Variants in ATP11A observed in about 807,000 individuals in gnomAD.
ATP11A encodes the protein ATPase phospholipid transporting 11A.
In ATP11A, 81 loss-of-function variants were observed where a neutral mutation model predicts 154.4. That is an observed-to-expected ratio of 0.52 (90% CI 0.44 to 0.63). The LOEUF is 0.63. ATP11A is among the 30% of genes least tolerant of loss of function. The pLI, the probability that ATP11A is intolerant of heterozygous loss-of-function variation, is 0.00. For synonymous variants in ATP11A, 623 were observed against 585.9 expected (o/e 1.06, Z -0.91); for missense variants, 1,316 against 1,474.3 (o/e 0.89, Z 1.76).
chr13:112,773,444 G>A (rs767024564), intron 1 of ATP11A, among the ~76,000 whole-genome samples: 1 of 152,172 alleles, frequency 6.6e-6, no homozygotes, highest in Non-Finnish European at 1.5e-5. Context: ...TTGCTTTCCC[G>A]AGCTGTACGG....
At chr13:112,714,754 A>G (rs1037617440) in intron 1 of ATP11A, among the ~76,000 whole-genome samples, 1 of 152,194 alleles carries the variant, frequency 6.6e-6, no homozygotes, top group African/African-American at 2.4e-5. Flanking sequence ...CAGTGAGGCC[A>G]CTGTGGATCA....
intron 8 of ATP11A, among the ~76,000 whole-genome samples, chr13:112,820,688 G>A (rs1230385155): frequency 6.6e-6 from 1 of 152,210 alleles, no homozygotes; most frequent in Admixed American, 6.5e-5. Flanking sequence ...TGTTGCTGAC[G>A]AGATATTTGA....
In ATP11A at chr13:112,859,368, C is replaced by G. The variant is rs10492684; in HGVS notation, c.2668-25C>G. ...TGCCTCCCTCTGTCCCGTCACCGAA[C>G]TAACAGTTATGCCTTGCCTTTCAGA... On this transcript the variant is annotated intron_variant, in intron 22 of 29. Transcript: ENST00000375645. The surrounding 1 kb of genome is among the most constrained non-coding windows in gnomAD (Gnocchi z 4.3). 368,462 of 1,609,452 alleles carry G rather than the reference C, an allele frequency of 0.23. 45,129 individuals carry two copies. Among genetic ancestry groups the G allele is most frequent in the Middle Eastern group, 0.28 (1,713 of 6,060 alleles).
chr13:112,803,875 C>CCTCCTT (rs2078220613), intron 2 of ATP11A, among the ~76,000 whole-genome samples: 1 of 111,396 alleles, frequency 9.0e-6, no homozygotes, highest in Non-Finnish European at 1.9e-5. Flanking sequence ...CCTTGCTTCC[C>CCTCCTT]TTCCTTCCCT....
intron 1 of ATP11A, among the ~76,000 whole-genome samples, chr13:112,704,509 C>T (rs553355744): frequency 8.5e-5 from 13 of 152,320 alleles, no homozygotes; most frequent in Admixed American, 3.3e-4. Flanking sequence ...CTGTGGGAGG[C>T]GAGGCTCTGA....
intron 25 of ATP11A, among the ~76,000 whole-genome samples, chr13:112,864,852 A>G (rs373305707): frequency 0.013 from 404 of 31,066 alleles, no homozygotes; most frequent in Middle Eastern, 0.028. Context: ...TCCCAGCGGG[A>G]TCCATCACCA....
intron 1 of ATP11A, among the ~76,000 whole-genome samples, chr13:112,783,495 C>T (rs986164906): frequency 3.3e-5 from 5 of 152,362 alleles, no homozygotes; most frequent in East Asian, 1.9e-4. Flanking sequence ...AAACTGTCCC[C>T]GTGCCTGCGG....
chr13:112,690,585 C>A lies in ATP11A; in HGVS notation c.39+130C>A. On this transcript the variant is annotated intron_variant, in intron 1 of 29. Coordinates refer to ENST00000375645, the MANE Select transcript of ATP11A (RefSeq NM_015205.3). The surrounding 1 kb of genome is among the most constrained non-coding windows in gnomAD (Gnocchi z 5.6). ...TCTCCGATGTCTGGGACTCGGACCG[C>A]CCCCGGGGACGAGCGGGATGCTGGG... 1.2e-6 allele frequency: 1 copy of A among 859,922 alleles called. No individual in the cohort carries two copies. The highest frequency in any genetic ancestry group is 1.5e-6 in the Non-Finnish European group (1 of 653,518). The allele number at this position is 859,922 out of a possible 1,614,324, so 53.3% of individuals were successfully genotyped here.
At chr13:112,874,170 G>A (rs916902299) in intron 27 of ATP11A, among the ~76,000 whole-genome samples, 7 of 152,220 alleles carry the variant, frequency 4.6e-5, no homozygotes, top group African/African-American at 1.7e-4. Flanking sequence ...GACCTTGCCC[G>A]CAGCAGCCTG....
At chr13:112,778,892 T>G (rs1296910383) in intron 1 of ATP11A, among the ~76,000 whole-genome samples, 1 of 81,352 alleles carries the variant, frequency 1.2e-5, no homozygotes. Context: ...GCCGCTGGAG[T>G]GAGGAGTAGC....
chr13:112,887,135 C>T lies in ATP11A; in HGVS notation c.*5269C>T, dbSNP rs1372775242. On this transcript the variant is annotated 3_prime_UTR_variant, in exon 30 of 30. Transcript: ENST00000375645. ...TCTGCTTGCAATAAAGAATAAAAGT[C>T]TGCTTCAGTTTCTTTATAAAGAAAC... 1 of 152,228 alleles carries T rather than the reference C, an allele frequency of 6.6e-6. No homozygotes were observed. Among genetic ancestry groups the T allele is most frequent in the Non-Finnish European group, 1.5e-5 (1 of 68,036 alleles). 9.4% of individuals were successfully genotyped at this position (152,228 alleles called of 1,614,324 possible). A position where few individuals can be genotyped will look rare whatever the true frequency, so the allele number is the denominator to read the frequency against.
At chr13:112,805,193 G>T in intron 3 of ATP11A, 147 bp downstream of exon 3, 1 of 515,236 alleles carries the variant, frequency 1.9e-6, no homozygotes, top group Non-Finnish European at 3.2e-6. Context: ...CTTAAGGAAG[G>T]GCAAAATGTC....
At chr13:112,835,917 TGGGTA>T (rs1289016461) in intron 15 of ATP11A, among the ~76,000 whole-genome samples, 2 of 152,224 alleles carry the variant, frequency 1.3e-5, no homozygotes, top group African/African-American at 4.8e-5. Context: ...GCCTATGCCC[TGGGTA>T]GGATGGGGAC....
intron 2 of ATP11A, among the ~76,000 whole-genome samples, chr13:112,802,552 CAAA>C (rs35889771): frequency 7.5e-4 from 61 of 80,922 alleles, no homozygotes; most frequent in South Asian, 3.6e-3. Flanking sequence ...ACTGGACATG[CAAA>C]AAAAAAAAAA....
At position 112,735,866 on chromosome 13, in the gene ATP11A, C is replaced by G. The variant is rs368690140; in HGVS notation, c.39+45411C>G. ...GGGCTCAGCACTAAGGAGCACCTGA[C>G]TTTTCCGAGGTGCATCCATAAGTCC... On this transcript the variant is annotated intron_variant, in intron 1 of 29. Transcript: ENST00000375645. 4.8e-4 allele frequency among the ~76,000 whole-genome samples: 73 copies of G among 152,348 alleles called. No homozygotes were observed. The East Asian group carries it at 0.013, about 27-fold the overall frequency.
intron 1 of ATP11A, among the ~76,000 whole-genome samples, chr13:112,732,087 C>T (rs554374167): frequency 6.6e-6 from 1 of 152,128 alleles, no homozygotes; most frequent in Admixed American, 6.5e-5. Flanking sequence ...GGCATGAGTT[C>T]GGTCCTGTCG....
chr13:112,805,028 T>C lies in ATP11A; in HGVS notation c.234T>C (p.Leu78=), dbSNP rs2078282793. 1 of 1,611,138 alleles carries C rather than the reference T, an allele frequency of 6.2e-7. No homozygotes were observed. The highest frequency in any genetic ancestry group is 8.5e-7 in the Non-Finnish European group (1 of 1,178,570). Residue 78 remains leucine (L), a synonymous_variant, in exon 3 of 30, where the codon CTT becomes CTC. Coordinates refer to ENST00000375645, the MANE Select transcript of ATP11A (RefSeq NM_015205.3). ...GAAGAGTAGCCAACTTTTATTTCCT[T>C]ATCATATTTCTGGTGCAGGTAAGGC... ...QFRRVANFYF[L]IIFLVQLIID...
chr13:112,729,154 TTC>T (rs1341754624), intron 1 of ATP11A, among the ~76,000 whole-genome samples: 1 of 152,194 alleles, frequency 6.6e-6, no homozygotes, highest in East Asian at 1.9e-4. Context: ...TGGAAGACAT[TTC>T]TGTTAGCGTA....
chr13:112,870,111 T>G (rs965918944), intron 25 of ATP11A, among the ~76,000 whole-genome samples: 1 of 122,652 alleles, frequency 8.2e-6, no homozygotes, highest in Admixed American at 8.0e-5. Context: ...GCCAGGCATT[T>G]CCAAGCCAGA....
Sources: allele counts gnomAD v4.1 joint callset (sites outside exome capture counted in the v4.1 genomes callset), GRCh38; gene constraint gnomAD v4.1.1; non-coding constraint Gnocchi (gnomAD v3.1); transcripts MANE v1.5; gene names NCBI Gene and HGNC (gene_info 2026-07-23, HGNC 2026-07-21).